PDE8A: variants seen among roughly 807,000 people sequenced by gnomAD.
PDE8A encodes the protein phosphodiesterase 8A, also known as high affinity cAMP-specific and IBMX-insensitive 3',5'-cyclic phosphodiesterase 8A.
PDE8A carries 59 observed loss-of-function variants against 105.0 expected under a neutral mutation model. That is an observed-to-expected ratio of 0.56 (90% CI 0.46 to 0.70). The LOEUF is 0.70. Among genes scored for constraint, PDE8A ranks in the 30% least tolerant of loss-of-function variants. The pLI, the probability that PDE8A is intolerant of heterozygous loss-of-function variation, is 0.00. For missense variants in PDE8A, 1,014 were observed against 1,045.9 expected, an observed-to-expected ratio of 0.97 and a Z score of 0.42; for synonymous variants, 355 against 371.9, an observed-to-expected ratio of 0.95 and a Z score of 0.52.
intron 1 of PDE8A, among the ~76,000 whole-genome samples, chr15:85,043,282 A>G (rs1596468100): frequency 1.3e-5 from 2 of 152,204 alleles, no homozygotes. Context: ...TGAGTTCTCA[A>G]CCTTTGGCTC....
intron 6 of PDE8A, among the ~76,000 whole-genome samples, chr15:85,087,175 T>C (rs2081567884): frequency 2.0e-5 from 3 of 151,944 alleles, no homozygotes; most frequent in Admixed American, 6.6e-5. Context: ...AGTTTAGTAA[T>C]ACCAGCAATA....
chr15:85,028,612 G>C (rs1415725003), intron 1 of PDE8A, among the ~76,000 whole-genome samples: 2 of 152,148 alleles, frequency 1.3e-5, no homozygotes, highest in African/African-American at 4.8e-5. Flanking sequence ...TCTATTCCTT[G>C]TATTTCGCAA....
At chr15:85,065,859 G>A (rs1177313533) in intron 2 of PDE8A, among the ~76,000 whole-genome samples, 6 of 152,220 alleles carry the variant, frequency 3.9e-5, no homozygotes, top group Non-Finnish European at 5.9e-5. Flanking sequence ...ATGGATACAG[G>A]CCTCGCTTGC....
chr15:85,115,648 A>G, intron 15 of PDE8A, 161 bp downstream of exon 15: 1 of 563,354 alleles, frequency 1.8e-6, no homozygotes, highest in South Asian at 2.5e-5. Flanking sequence ...CCTCCCTAAG[A>G]AACAGTTAAT....
intron 5 of PDE8A, among the ~76,000 whole-genome samples, chr15:85,078,187 TAAA>T (rs1279798647): frequency 7.1e-6 from 1 of 141,018 alleles, no homozygotes; most frequent in Non-Finnish European, 1.5e-5. Flanking sequence ...CAGCCACAGG[TAAA>T]AGATTACCTT....
chr15:84,986,615 CTTT>C (rs10714340), intron 1 of PDE8A, among the ~76,000 whole-genome samples: 2 of 145,846 alleles, frequency 1.4e-5, no homozygotes. Flanking sequence ...TTAGTCAAAA[CTTT>C]TTTTTTTTTT....
At chr15:85,060,970 G>A (rs2081135164) in intron 1 of PDE8A, among the ~76,000 whole-genome samples, 1 of 151,966 alleles carries the variant, frequency 6.6e-6, no homozygotes, top group Admixed American at 6.5e-5. Context: ...TTCTTGCAGG[G>A]CATATCTAGT....
chr15:85,020,870 TATC>T (rs2080414294), intron 1 of PDE8A, among the ~76,000 whole-genome samples: 1 of 152,218 alleles, frequency 6.6e-6, no homozygotes. Context: ...CATTCTCTAT[TATC>T]AATACTGTTA....
Position 85,126,247 on chromosome 15 carries a change from G to A in PDE8A, c.2126G>A (p.Arg709Lys), listed in dbSNP as rs763577895. ...KNQEVINTMLRTPENRTLIKR... is the reference protein window; with the variant it reads ...KNQEVINTMLKTPENRTLIKR... The stretch of plus-strand genomic sequence containing the variant: ...CAGGAAGTGATAAACACTATGCTTA[G>A]GACTCCAGAGAACCGGACCCTAATC... Residue 709 changes from arginine (R) to lysine (K), a missense_variant, in exon 20 of 22, where the codon AGG becomes AAG. Coordinates refer to ENST00000394553, the MANE Select transcript of PDE8A (RefSeq NM_002605.3). 21 of 1,612,390 alleles carry A rather than the reference G, an allele frequency of 1.3e-5. No homozygotes were observed. The African/African-American group carries it at 2.5e-4, about 20-fold the overall frequency.
chr15:84,981,485 G>T (rs1468276583), upstream of PDE8A, among the ~76,000 whole-genome samples: 1 of 152,200 alleles, frequency 6.6e-6, no homozygotes, highest in Non-Finnish European at 1.5e-5. Flanking sequence ...GAGCCGAGCT[G>T]CTCCCCTCCC....
intron 1 of PDE8A, among the ~76,000 whole-genome samples, chr15:84,996,385 T>C (rs1156831039): frequency 6.6e-6 from 1 of 152,102 alleles, no homozygotes; most frequent in East Asian, 1.9e-4. Flanking sequence ...CTCCCCATGT[T>C]GTCCAAGTGG....
At chr15:85,054,680 A>G (rs1222702842) in intron 1 of PDE8A, among the ~76,000 whole-genome samples, 1 of 151,868 alleles carries the variant, frequency 6.6e-6, no homozygotes, top group African/African-American at 2.4e-5. Context: ...ATCATTTTCT[A>G]TTGTGTCTAT....
intron 3 of PDE8A, among the ~76,000 whole-genome samples, chr15:85,070,939 G>T (rs906580246): frequency 1.1e-4 from 16 of 152,170 alleles, no homozygotes; most frequent in African/African-American, 3.9e-4. Flanking sequence ...ACAGAGTATA[G>T]CTTCATATTC....
In PDE8A at chr15:85,050,998, G is replaced by A. The variant is rs142996715; in HGVS notation, c.187-13372G>A. Among the ~76,000 whole-genome samples, 157 of 152,198 alleles carry A rather than the reference G, an allele frequency of 1.0e-3. 1 individual carries two copies. Among genetic ancestry groups the A allele is most frequent in the African/African-American group, 3.7e-3 (152 of 41,530 alleles). On this transcript the variant is annotated intron_variant, in intron 1 of 21. Coordinates refer to ENST00000394553, the MANE Select transcript of PDE8A (RefSeq NM_002605.3). ...TTTAATTTTTCAGCAATATTTTGTA[G>A]TTTCACTTGTACAAATCTTTCACCT...
chr15:85,045,635 C>T (rs2080875204), intron 1 of PDE8A, among the ~76,000 whole-genome samples: 1 of 152,172 alleles, frequency 6.6e-6, no homozygotes, highest in Admixed American at 6.5e-5. Flanking sequence ...TTGTTATTTG[C>T]ATTTTCCTCT....
At chr15:85,039,102 C>A (rs914284389) in intron 1 of PDE8A, among the ~76,000 whole-genome samples, 3 of 143,088 alleles carry the variant, frequency 2.1e-5, no homozygotes, top group Non-Finnish European at 4.5e-5. Flanking sequence ...GCCTTAGTAA[C>A]AAGAGCGAAA....
At chr15:84,985,991 A>G (rs905518897) in intron 1 of PDE8A, among the ~76,000 whole-genome samples, 3 of 152,144 alleles carry the variant, frequency 2.0e-5, no homozygotes, top group Non-Finnish European at 2.9e-5. Context: ...TTGGGAGGCC[A>G]AGGCAGAAGG....
At chr15:85,120,150 AAAC>A (rs1407095654) in intron 17 of PDE8A, 1 of 151,458 alleles carries the variant, frequency 6.6e-6, no homozygotes, top group Non-Finnish European at 1.5e-5. Flanking sequence ...CAAAAAAAAA[AAAC>A]AAAAGAGGCC....
intron 9 of PDE8A, among the ~76,000 whole-genome samples, chr15:85,099,063 AAAG>A (rs1452227618): frequency 6.6e-6 from 1 of 152,260 alleles, no homozygotes; most frequent in Non-Finnish European, 1.5e-5. Context: ...CATGTAAAGA[AAAG>A]AAGGAAAAAA....
Sources: allele counts gnomAD v4.1 joint callset (sites outside exome capture counted in the v4.1 genomes callset), GRCh38; gene constraint gnomAD v4.1.1; transcripts MANE v1.5; gene names NCBI Gene and HGNC (gene_info 2026-07-23, HGNC 2026-07-21).